SESN1: variants seen among roughly 807,000 people sequenced by gnomAD.
SESN1 encodes sestrin 1.
A neutral mutation model predicts 59.3 loss-of-function variants in SESN1; 30 were observed. The ratio of observed to expected loss-of-function variants is 0.51; its 90% CI spans 0.38 to 0.69. The LOEUF (loss-of-function observed/expected upper bound fraction) is 0.69, where lower values mean the gene tolerates loss of function less well. Among genes scored for constraint, SESN1 ranks in the 30% least tolerant of loss-of-function variants. The probability of loss-of-function intolerance (pLI) is 0.00; values close to 1 mark genes in which losing one functional copy is unlikely to be tolerated. For synonymous variants in SESN1, 197 were observed against 219.9 expected (o/e 0.90, Z 0.92); for missense variants, 566 against 673.0 (o/e 0.84, Z 1.76).
At chr6:108,994,910 A>C (rs1431422395) in intron 5 of SESN1, among the ~76,000 whole-genome samples, 1 of 152,004 alleles carries the variant, frequency 6.6e-6, no homozygotes, top group African/African-American at 2.4e-5. Flanking sequence ...TCACCGTGTT[A>C]GCCAGGAATG....
At position 109,000,533 on chromosome 6, in the gene SESN1, C is replaced by A; in HGVS notation, c.687G>T (p.Val229=). 6.2e-7 allele frequency: 1 copy of A among 1,610,570 alleles called. No homozygotes were observed. The highest frequency in any genetic ancestry group is 8.5e-7 in the Non-Finnish European group (1 of 1,178,142). Reference sequence around the variant, plus strand: ...TAATAAGCCAAGGTCTATGGGCTAACACTTTGTTAAGTTCTCCTAAATTCT... The same window carrying A: ...TAATAAGCCAAGGTCTATGGGCTAAAACTTTGTTAAGTTCTCCTAAATTCT... ...KLQNLGELNK[V]LAHRPWLITK... is the part of the protein sequence containing the mutation. Residue 229 remains valine, a synonymous_variant, in exon 4 of 10, where the codon GTG becomes GTT. Coordinates refer to ENST00000436639, the MANE Select transcript of SESN1 (RefSeq NM_014454.3).
chr6:109,035,973 T>C (rs1780242562), intron 1 of SESN1, among the ~76,000 whole-genome samples: 1 of 152,176 alleles, frequency 6.6e-6, no homozygotes. Flanking sequence ...GCATAGTAAT[T>C]GCCCTCCTTA....
chr6:109,031,164 G>C (rs1180420391), intron 1 of SESN1, among the ~76,000 whole-genome samples: 1 of 152,220 alleles, frequency 6.6e-6, no homozygotes, highest in Non-Finnish European at 1.5e-5. Flanking sequence ...TCAAGAGACA[G>C]TTAAGAGATT....
At chr6:109,078,052 C>T (rs1421479235) in intron 1 of SESN1, among the ~76,000 whole-genome samples, 1 of 152,036 alleles carries the variant, frequency 6.6e-6, no homozygotes, top group Non-Finnish European at 1.5e-5. Context: ...CCTGACTTTT[C>T]CCTCTTCTCT....
chr6:108,993,890 A>T (rs1467358625), intron 6 of SESN1, among the ~76,000 whole-genome samples: 3 of 152,214 alleles, frequency 2.0e-5, no homozygotes, highest in East Asian at 3.9e-4. Flanking sequence ...AAATCACAGA[A>T]TTTTAACTCT....
At chr6:108,998,332 C>G in intron 5 of SESN1, 181 bp downstream of exon 5, 1 of 616,936 alleles carries the variant, frequency 1.6e-6, no homozygotes, top group Non-Finnish European at 2.8e-6. Context: ...TTGTATATCA[C>G]CTAGACTAGT....
intron 1 of SESN1, among the ~76,000 whole-genome samples, chr6:109,090,251 T>C (rs1046469060): frequency 2.6e-5 from 4 of 152,202 alleles, no homozygotes; most frequent in Admixed American, 1.3e-4. Flanking sequence ...TTCAAAGTTG[T>C]AGAGTTAATA....
At chr6:108,996,869 T>G (rs1444736978) in intron 5 of SESN1, among the ~76,000 whole-genome samples, 1 of 152,104 alleles carries the variant, frequency 6.6e-6, no homozygotes, top group African/African-American at 2.4e-5. Context: ...AAAAAGAAAT[T>G]AGGTATCAAG....
chr6:109,086,221 CAT>C, intron 1 of SESN1, among the ~76,000 whole-genome samples: 3 of 152,000 alleles, frequency 2.0e-5, no homozygotes, highest in African/African-American at 7.3e-5. Context: ...TGTGGTGGCG[CAT>C]ACCTGTAATC....
At chr6:109,018,234 A>G (rs1779956731) in intron 1 of SESN1, among the ~76,000 whole-genome samples, 1 of 152,254 alleles carries the variant, frequency 6.6e-6, no homozygotes, top group Non-Finnish European at 1.5e-5. Flanking sequence ...CTACAAATGT[A>G]TATCAACATT....
At chr6:109,091,023 C>T (rs1234900563) in intron 1 of SESN1, among the ~76,000 whole-genome samples, 3 of 152,120 alleles carry the variant, frequency 2.0e-5, no homozygotes, top group African/African-American at 7.2e-5. Flanking sequence ...GATCTTTCCA[C>T]CTCAGCCTTC....
intron 1 of SESN1, among the ~76,000 whole-genome samples, chr6:109,033,397 T>C (rs972997018): frequency 3.3e-5 from 5 of 152,270 alleles, no homozygotes; most frequent in East Asian, 3.9e-4. Context: ...CCCAAACAAA[T>C]ATAAGCAAAG....
chr6:109,033,097 T>C (rs898081615), intron 1 of SESN1, among the ~76,000 whole-genome samples: 3 of 152,076 alleles, frequency 2.0e-5, no homozygotes, highest in Non-Finnish European at 2.9e-5. Flanking sequence ...CAAGGGATTA[T>C]TAAAAATGTT....
rs753622961 is a variant in SESN1, at chr6:109,000,647, G to A, written c.573C>T (p.Tyr191=). 3 of 1,605,532 alleles carry A rather than the reference G, an allele frequency of 1.9e-6. No individual in the cohort carries two copies. The highest frequency in any genetic ancestry group is 2.6e-6 in the Non-Finnish European group (3 of 1,175,680). ...AATCATTTACATGCAGGTTCACTAA[G>A]TAGGAGCACTGATGTCTTGCCGCAG... ...IMAAARHQCS[Y]LVNLHVNDFL... is the part of the protein sequence containing the mutation. The change falls in exon 4 of 10, where the codon TAC becomes TAT. Residue 191 remains tyrosine (Y), a synonymous_variant. Coordinates refer to ENST00000436639, the MANE Select transcript of SESN1 (RefSeq NM_014454.3).
At chr6:109,055,661 C>CAAAAAAAA (rs577017689) in intron 1 of SESN1, among the ~76,000 whole-genome samples, 55 of 50,480 alleles carry the variant, frequency 1.1e-3, no homozygotes, top group South Asian at 2.5e-3. Flanking sequence ...GACTCCACCT[C>CAAAAAAAA]AAAAAAAAAA....
chr6:109,065,106 G>C (rs57240677), intron 1 of SESN1, among the ~76,000 whole-genome samples: 1 of 151,942 alleles, frequency 6.6e-6, no homozygotes, highest in East Asian at 1.9e-4. Context: ...TTAAGTTCCC[G>C]AATTTAATAG....
chr6:109,015,417 GC>G (rs2114357766), intron 1 of SESN1, among the ~76,000 whole-genome samples: 1 of 152,284 alleles, frequency 6.6e-6, no homozygotes, highest in Admixed American at 6.5e-5. Context: ...GTCAGACACT[GC>G]CTGTGTCTGA....
chr6:109,051,771 A>G (rs1480240291), intron 1 of SESN1, among the ~76,000 whole-genome samples: 2 of 152,194 alleles, frequency 1.3e-5, no homozygotes, highest in Non-Finnish European at 2.9e-5. Flanking sequence ...TGGAGGCTGG[A>G]AAGTCCAGGG....
chr6:109,069,274 A>G (rs1306930646), intron 1 of SESN1, among the ~76,000 whole-genome samples: 1 of 152,136 alleles, frequency 6.6e-6, no homozygotes, highest in Non-Finnish European at 1.5e-5. Context: ...AAGTTGCGGA[A>G]AAAAGAAAAA....
Sources: gnomAD v4.1 joint callset for allele counts (sites outside exome capture counted in the v4.1 genomes callset) on GRCh38, gnomAD v4.1.1 for gene constraint, MANE v1.5 for transcripts, NCBI Gene and HGNC (gene_info 2026-07-23, HGNC 2026-07-21) for gene names.